The following GLB1 variants were observed in gnomAD, a reference collection of about 807,000 sequenced individuals.
GLB1 encodes galactosidase beta 1.
A neutral mutation model predicts 74.0 loss-of-function variants in GLB1; 56 were observed. That is an observed-to-expected ratio of 0.76 (90% CI 0.61 to 0.94). The LOEUF (loss-of-function observed/expected upper bound fraction) is 0.94, where lower values mean the gene tolerates loss of function less well. Among genes scored for constraint, GLB1 ranks in the 40% least tolerant of loss-of-function variants. The pLI, the probability that GLB1 is intolerant of heterozygous loss-of-function variation, is 0.00. For synonymous variants in GLB1, 323 were observed against 323.6 expected (o/e 1.00, Z 0.02); for missense variants, 787 against 845.5 (o/e 0.93, Z 0.86).
At chr3:32,983,354 G>T in the GLB1 span, among the ~76,000 whole-genome samples, 1 of 152,014 alleles carries the variant, frequency 6.6e-6, no homozygotes, top group Admixed American at 6.6e-5. Context: ...TCCACTTACT[G>T]ATTGTCTCTT....
chr3:33,017,972 A>G (rs1697302258), intron 13 of GLB1, among the ~76,000 whole-genome samples: 1 of 152,156 alleles, frequency 6.6e-6, no homozygotes, highest in Non-Finnish European at 1.5e-5. Context: ...AGCAAGAGGC[A>G]CAGCTAAGGG....
At chr3:33,041,818 A>G (rs1336321098) in intron 10 of GLB1, among the ~76,000 whole-genome samples, 1 of 152,126 alleles carries the variant, frequency 6.6e-6, no homozygotes, top group African/African-American at 2.4e-5. Flanking sequence ...AAGATAAAGA[A>G]AAGTGTGGTC....
the GLB1 span, among the ~76,000 whole-genome samples, chr3:32,990,835 G>T: frequency 6.6e-6 from 1 of 152,086 alleles, no homozygotes; most frequent in Non-Finnish European, 1.5e-5. Flanking sequence ...TTAGCTGGGC[G>T]TGGTGGCGGG....
chr3:33,086,274 G>C (rs1276788353), intron 1 of GLB1, among the ~76,000 whole-genome samples: 1 of 152,068 alleles, frequency 6.6e-6, no homozygotes, highest in Non-Finnish European at 1.5e-5. Flanking sequence ...TGTGGTATCA[G>C]ATCATTATGC....
At chr3:33,009,691 T>C (rs1696942157) in intron 15 of GLB1, among the ~76,000 whole-genome samples, 1 of 152,212 alleles carries the variant, frequency 6.6e-6, no homozygotes, top group Admixed American at 6.5e-5. Context: ...TTAAGAAGAC[T>C]GTGCAGCCAT....
chr3:33,040,443 A>G (rs923566615), intron 10 of GLB1, among the ~76,000 whole-genome samples: 3 of 151,146 alleles, frequency 2.0e-5, no homozygotes, highest in African/African-American at 7.3e-5. Flanking sequence ...TGGCTCTACA[A>G]AAAAAAAATA....
intron 1 of GLB1, among the ~76,000 whole-genome samples, chr3:33,084,232 C>A (rs1300000783): frequency 6.6e-6 from 1 of 152,114 alleles, no homozygotes; most frequent in Non-Finnish European, 1.5e-5. Context: ...TGGATAGAGG[C>A]AAGGGGAGAG....
At chr3:33,023,626 A>C (rs1471603013) in intron 11 of GLB1, among the ~76,000 whole-genome samples, 1 of 152,078 alleles carries the variant, frequency 6.6e-6, no homozygotes, top group Non-Finnish European at 1.5e-5. Flanking sequence ...ACCTGAAGAC[A>C]CAGATGGTCA....
At chr3:32,969,357 A>G in the GLB1 span, among the ~76,000 whole-genome samples, 13,740 of 152,270 alleles carry the variant, frequency 0.09, 1,404 homozygotes, top group African/African-American at 0.26. Context: ...ATAAAGAAAA[A>G]AAGACTTTTA....
chr3:33,073,863 A>AACAG (rs1282296590), intron 1 of GLB1, among the ~76,000 whole-genome samples: 1 of 151,308 alleles, frequency 6.6e-6, no homozygotes, highest in African/African-American at 2.4e-5. Flanking sequence ...CAAACAAACA[A>AACAG]ACAAACAAAA....
rs189856041 is a variant in GLB1 at position 33,084,896 on chromosome 3, G to A, written c.75+12115C>T. 2.2e-4 allele frequency among the ~76,000 whole-genome samples: 34 copies of A among 152,124 alleles called. No homozygotes were observed. In the East Asian group the frequency reaches 5.6e-3, roughly 25 times the overall value. On this transcript the variant is annotated intron_variant, in intron 1 of 15. Transcript: ENST00000307363. ...ACTTCATCTTAATAACCACATTGAC[G>A]TTACTATTTTGGTTCTATTATATAT...
At chr3:33,024,222 T>A (rs1487432498) in intron 11 of GLB1, 29 bp downstream of exon 11, 18 of 1,590,802 alleles carry the variant, frequency 1.1e-5, no homozygotes, top group Non-Finnish European at 1.5e-5. Flanking sequence ...TCTCTCACTT[T>A]CAAAGTTTCT....
chr3:32,970,433 CTT>C, the GLB1 span, among the ~76,000 whole-genome samples: 2 of 152,094 alleles, frequency 1.3e-5, no homozygotes, highest in Non-Finnish European at 2.9e-5. Flanking sequence ...GAAAAACTAA[CTT>C]TAAAAAGGCA....
chr3:32,977,568 C>G, the GLB1 span, among the ~76,000 whole-genome samples: 6 of 152,078 alleles, frequency 3.9e-5, no homozygotes, highest in Non-Finnish European at 8.8e-5. Context: ...GTTAGACATG[C>G]TGAAAGGAAA....
At position 33,061,913 on chromosome 3, in the gene GLB1, G is replaced by A. The variant is rs77520464; in HGVS notation, c.552+3550C>T. Among the ~76,000 whole-genome samples the A allele has an allele frequency of 9.3e-3, 1,421 of 152,240 alleles. 33 individuals are homozygous for A. The highest frequency in any genetic ancestry group is 0.032 in the African/African-American group (1,347 of 41,532). On this transcript the variant is annotated intron_variant, in intron 5 of 15. Coordinates refer to ENST00000307363, the MANE Select transcript of GLB1 (RefSeq NM_000404.4). ...TCTGCATATCTGACTGAATCATGAC[G>A]ATGAATAAAAGCACAGACCTGGTTT... is the stretch of plus-strand genomic sequence containing the variant.
chr3:32,962,760 AATAG>A, the GLB1 span, among the ~76,000 whole-genome samples: 4 of 151,580 alleles, frequency 2.6e-5, no homozygotes, highest in African/African-American at 7.2e-5. Context: ...CATAGTATGA[AATAG>A]ATAGAAAATA....
chr3:33,031,562 T>C (rs1698010168), intron 10 of GLB1, among the ~76,000 whole-genome samples: 1 of 125,580 alleles, frequency 8.0e-6, no homozygotes, highest in South Asian at 2.6e-4. Flanking sequence ...GAGAATCACT[T>C]GAACCAGGGA....
chr3:33,068,591 C>A (rs1553612175), intron 3 of GLB1, among the ~76,000 whole-genome samples: 1 of 152,184 alleles, frequency 6.6e-6, no homozygotes, highest in Non-Finnish European at 1.5e-5. Flanking sequence ...CTGCTTCTTA[C>A]AGATGAGCAA....
intron 15 of GLB1, among the ~76,000 whole-genome samples, chr3:33,001,907 A>G (rs1239262371): frequency 1.3e-5 from 2 of 152,250 alleles, no homozygotes; most frequent in Admixed American, 1.3e-4. Context: ...AAAACACTTT[A>G]ATATAATTTA....
Sources: allele counts gnomAD v4.1 joint callset (sites outside exome capture counted in the v4.1 genomes callset), GRCh38; gene constraint gnomAD v4.1.1; transcripts MANE v1.5; gene names NCBI Gene and HGNC (gene_info 2026-07-23, HGNC 2026-07-21).